EXOC4: variants seen among roughly 807,000 people sequenced by gnomAD.
The protein encoded by EXOC4 is exocyst complex component 4.
EXOC4 carries 71 observed loss-of-function variants against 107.2 expected under a neutral mutation model. That is an observed-to-expected ratio of 0.66 (90% confidence interval 0.55 to 0.81). EXOC4 has a LOEUF of 0.81. Among genes scored for constraint, EXOC4 ranks in the 30% least tolerant of loss-of-function variants. EXOC4 has a pLI of 0.00. For synonymous variants in EXOC4, 456 were observed against 441.2 expected (o/e 1.03, Z -0.42); for missense variants, 1,108 against 1,189.6 (o/e 0.93, Z 1.01).
At chr7:133,654,632 G>C (rs1803242989) in intron 10 of EXOC4, among the ~76,000 whole-genome samples, 1 of 152,090 alleles carries the variant, frequency 6.6e-6, no homozygotes, top group Non-Finnish European at 1.5e-5. Context: ...TCTCAGTACT[G>C]GGCGCAGCAG....
chr7:134,043,321 G>A (rs1241900169), intron 17 of EXOC4, among the ~76,000 whole-genome samples: 1 of 152,110 alleles, frequency 6.6e-6, no homozygotes, highest in Non-Finnish European at 1.5e-5. Context: ...CACCCTGGCT[G>A]CATTTGGTAG....
chr7:133,487,901 T>A (rs1020390274), intron 9 of EXOC4, among the ~76,000 whole-genome samples: 1 of 152,194 alleles, frequency 6.6e-6, no homozygotes, highest in African/African-American at 2.4e-5. Flanking sequence ...AGACATTTTT[T>A]AGGCCCACAA....
chr7:133,855,104 AATATATATAAATATATATATAT>A (rs1798334778), intron 11 of EXOC4, among the ~76,000 whole-genome samples: 5 of 61,892 alleles, frequency 8.1e-5, no homozygotes, highest in Non-Finnish European at 1.6e-4. Context: ...TATATATATA[AATATATATAAATATATATATAT>A]AAATATATAT....
At chr7:133,416,828 G>C (rs1314878101) in intron 7 of EXOC4, among the ~76,000 whole-genome samples, 1 of 152,184 alleles carries the variant, frequency 6.6e-6, no homozygotes, top group Non-Finnish European at 1.5e-5. Flanking sequence ...AGCCGATGTT[G>C]GAGTAGAGGA....
At chr7:134,080,676 C>G in the EXOC4 span, among the ~76,000 whole-genome samples, 1 of 152,020 alleles carries the variant, frequency 6.6e-6, no homozygotes, top group South Asian at 2.1e-4. Flanking sequence ...GGTGCAGTGT[C>G]TCATGCCCAT....
At position 133,434,732 on chromosome 7, in the gene EXOC4, C is replaced by T. The variant is rs945352149; in HGVS notation, c.1183-40596C>T. On this transcript the variant is annotated intron_variant, in intron 7 of 17. Coordinates refer to ENST00000253861, the MANE Select transcript of EXOC4 (RefSeq NM_021807.4). ...AACCAATTTTTTAAAGCTTGTGTGC[C>T]GGACTGAAATGAGGTGCCTTTTATA... Among the ~76,000 whole-genome samples, 12 of 152,184 alleles carry T rather than the reference C, an allele frequency of 7.9e-5. No individual in the cohort carries two copies. In the South Asian group the frequency reaches 8.3e-4, roughly 11 times the overall value.
intron 11 of EXOC4, among the ~76,000 whole-genome samples, chr7:133,872,077 C>T (rs1798762376): frequency 6.6e-6 from 1 of 151,958 alleles, no homozygotes; most frequent in South Asian, 2.1e-4. Context: ...AATGGTGTGA[C>T]AGTTCTCGGG....
chr7:133,317,148 G>A, intron 4 of EXOC4, 136 bp from the exon 5 acceptor site: 1 of 640,706 alleles, frequency 1.6e-6, no homozygotes, highest in Non-Finnish European at 2.8e-6. Flanking sequence ...ATCCAGTATA[G>A]TATATACTGG....
chr7:133,882,520 A>G (rs1247719434), intron 11 of EXOC4, among the ~76,000 whole-genome samples: 1 of 152,216 alleles, frequency 6.6e-6, no homozygotes, highest in Non-Finnish European at 1.5e-5. Context: ...CAGACCCTAA[A>G]CAAGCAATTA....
intron 10 of EXOC4, among the ~76,000 whole-genome samples, chr7:133,734,132 G>A (rs939310945): frequency 1.3e-5 from 2 of 152,188 alleles, no homozygotes; most frequent in African/African-American, 4.8e-5. Flanking sequence ...GCCTCTGGCA[G>A]ATCAAATTTG....
intron 9 of EXOC4, among the ~76,000 whole-genome samples, chr7:133,585,248 T>C (rs1184030210): frequency 6.6e-6 from 1 of 152,232 alleles, no homozygotes; most frequent in African/African-American, 2.4e-5. Context: ...GTTATCTGTG[T>C]AACTTCAAGT....
intron 7 of EXOC4, among the ~76,000 whole-genome samples, chr7:133,430,362 AAAAC>A (rs149511180): frequency 3.5e-4 from 54 of 152,196 alleles, no homozygotes; most frequent in African/African-American, 1.3e-3. Context: ...TTTGAGCGGG[AAAAC>A]GGGATAACTC....
At chr7:133,595,802 T>A (rs1801655256) in intron 9 of EXOC4, among the ~76,000 whole-genome samples, 1 of 152,224 alleles carries the variant, frequency 6.6e-6, no homozygotes, top group Admixed American at 6.5e-5. Context: ...TCGCACTGTC[T>A]TCTCACCAAA....
At chr7:133,461,693 A>G (rs1324433041) in intron 7 of EXOC4, among the ~76,000 whole-genome samples, 1 of 152,194 alleles carries the variant, frequency 6.6e-6, no homozygotes, top group East Asian at 1.9e-4. Context: ...AAGTAAATTA[A>G]TGTACCTCAA....
chr7:133,778,102 A>G (rs941860572), intron 10 of EXOC4, among the ~76,000 whole-genome samples: 4 of 152,216 alleles, frequency 2.6e-5, no homozygotes, highest in African/African-American at 9.6e-5. Context: ...TTACATTTTA[A>G]CCAGGACTGT....
intron 9 of EXOC4, among the ~76,000 whole-genome samples, chr7:133,508,522 T>G (rs1031685386): frequency 3.3e-5 from 5 of 152,200 alleles, no homozygotes; most frequent in African/African-American, 1.2e-4. Context: ...TTAGGAATTA[T>G]CTTATTTCCC....
chr7:133,536,181 A>G (rs1009850079), intron 9 of EXOC4, among the ~76,000 whole-genome samples: 9 of 152,232 alleles, frequency 5.9e-5, no homozygotes, highest in African/African-American at 2.2e-4. Flanking sequence ...TGCTATTGTG[A>G]GGATTTGATA....
At chr7:133,319,864 G>A (rs1390909100) in intron 5 of EXOC4, among the ~76,000 whole-genome samples, 10 of 112,352 alleles carry the variant, frequency 8.9e-5, no homozygotes, top group Non-Finnish European at 1.6e-4. Flanking sequence ...TTTTTTGTGC[G>A]TGACCAAAAA....
intron 10 of EXOC4, among the ~76,000 whole-genome samples, chr7:133,723,493 T>TTTCG (rs1554392479): frequency 1.3e-5 from 2 of 150,896 alleles, no homozygotes; most frequent in African/African-American, 4.9e-5. Flanking sequence ...TTTCTTTCTT[T>TTTCG]TTTGTTTGTT....
Sources: gnomAD v4.1 joint callset for allele counts (sites outside exome capture counted in the v4.1 genomes callset) on GRCh38, gnomAD v4.1.1 for gene constraint, MANE v1.5 for transcripts, NCBI Gene and HGNC (gene_info 2026-07-23, HGNC 2026-07-21) for gene names.